PTBP2: variants seen among roughly 807,000 people sequenced by gnomAD.
PTBP2 encodes the protein polypyrimidine tract binding protein 2.
A neutral mutation model predicts 61.4 loss-of-function variants in PTBP2; 13 were observed. That is an observed-to-expected ratio of 0.21 (90% CI 0.14 to 0.34). The LOEUF is 0.34. Among genes scored for constraint, PTBP2 ranks in the 10% least tolerant of loss-of-function variants. The pLI is 1.00. For missense variants in PTBP2, 405 were observed against 642.6 expected (o/e 0.63, Z 4.00); for synonymous variants, 215 against 218.5 (o/e 0.98, Z 0.14).
intron 7 of PTBP2, among the ~76,000 whole-genome samples, chr1:96,778,502 C>T (rs1248870867): frequency 1.3e-5 from 2 of 151,920 alleles, no homozygotes; most frequent in Non-Finnish European, 2.9e-5. Context: ...TAAAATTTCC[C>T]ATCAAGGCTG....
chr1:96,812,889 T>G lies in PTBP2; in HGVS notation c.1349T>G (p.Ile450Ser). 6.2e-7 allele frequency: 1 copy of G among 1,613,806 alleles called. No homozygotes were observed. The highest frequency in any genetic ancestry group is 8.5e-7 in the Non-Finnish European group (1 of 1,179,746). Residue 450 changes from isoleucine to serine, a missense_variant, in exon 12 of 14, where the codon ATT becomes AGT. By Grantham distance (142) the Ile-to-Ser change is moderately radical. Coordinates refer to ENST00000674951, the MANE Select transcript of PTBP2 (RefSeq NM_021190.4). ...CCTGGATCCAAAAATTTTCAAAACA[T>G]TTTTCCTCCTTCTGCCACCCTTCAC... ...KKPGSKNFQN[I>S]FPPSATLHLS...
chr1:96,803,594 T>C (rs190241582), intron 8 of PTBP2, among the ~76,000 whole-genome samples: 1 of 151,952 alleles, frequency 6.6e-6, no homozygotes, highest in Admixed American at 6.6e-5. Flanking sequence ...TAGGTTAAGG[T>C]TTGTGAATAT....
chr1:96,780,403 T>A (rs190937648), intron 7 of PTBP2, among the ~76,000 whole-genome samples: 1 of 151,980 alleles, frequency 6.6e-6, no homozygotes, highest in Non-Finnish European at 1.5e-5. Flanking sequence ...AAATAGTCTA[T>A]CTTTGTTGTT....
chr1:96,770,925 A>G, intron 5 of PTBP2, 74 bp downstream of exon 5: 1 of 1,298,730 alleles, frequency 7.7e-7, no homozygotes. Flanking sequence ...ATAGGAAGGA[A>G]ATGTTTACCT....
chr1:96,774,882 T>G (rs1160957416), intron 5 of PTBP2, among the ~76,000 whole-genome samples: 1 of 152,190 alleles, frequency 6.6e-6, no homozygotes, highest in Non-Finnish European at 1.5e-5. Context: ...TTGCTTATGC[T>G]TCTGTCCCAA....
chr1:96,758,642 G>GA (rs1435404792), intron 3 of PTBP2, among the ~76,000 whole-genome samples: 4 of 152,084 alleles, frequency 2.6e-5, no homozygotes, highest in African/African-American at 9.7e-5. Context: ...ATTTCTCTCA[G>GA]AAAACTAGGA....
chr1:96,757,510 C>T (rs1655291375), intron 3 of PTBP2, among the ~76,000 whole-genome samples: 1 of 152,132 alleles, frequency 6.6e-6, no homozygotes, highest in South Asian at 2.1e-4. Context: ...TTTTTTAAAA[C>T]ATAATTTATG....
At chr1:96,818,350 C>G (rs1662558501), downstream of PTBP2, 1 of 152,082 alleles carries the variant, frequency 6.6e-6, no homozygotes, top group Non-Finnish European at 1.5e-5. Context: ...CTTAGATCTT[C>G]CTCGTTTCCT....
At chr1:96,733,538 G>A (rs1651735163) in intron 2 of PTBP2, among the ~76,000 whole-genome samples, 1 of 152,062 alleles carries the variant, frequency 6.6e-6, no homozygotes, top group Non-Finnish European at 1.5e-5. Flanking sequence ...AAATTAGATA[G>A]ATCTGGTGGC....
intron 2 of PTBP2, among the ~76,000 whole-genome samples, chr1:96,739,798 T>C (rs1196093743): frequency 6.6e-6 from 1 of 151,084 alleles, no homozygotes; most frequent in Non-Finnish European, 1.5e-5. Context: ...TATATATATA[T>C]ATATTTTTTA....
downstream of PTBP2, chr1:96,816,297 G>GC (rs1196409746): frequency 3.9e-5 from 6 of 152,094 alleles, no homozygotes; most frequent in African/African-American, 1.4e-4. Flanking sequence ...CCAGGCCTTG[G>GC]CATATAGTGA....
intron 8 of PTBP2, among the ~76,000 whole-genome samples, chr1:96,795,310 GAAAC>G (rs1423414475): frequency 1.3e-5 from 2 of 152,146 alleles, no homozygotes; most frequent in South Asian, 2.1e-4. Flanking sequence ...TGCAAAGTAA[GAAAC>G]AAATATGGGG....
In PTBP2 at chr1:96,777,679, C is replaced by T. The variant is rs1344179199; in HGVS notation, c.527C>T (p.Ala176Val). 6.2e-7 allele frequency: 1 copy of T among 1,613,026 alleles called. No individual in the cohort carries two copies. Among genetic ancestry groups the T allele is most frequent in the Non-Finnish European group, 8.5e-7 (1 of 1,179,292 alleles). The change falls in exon 6 of 14, where the codon GCC becomes GTC. Residue 176 changes from alanine to valine, a missense_variant. Coordinates refer to ENST00000674951, the MANE Select transcript of PTBP2 (RefSeq NM_021190.4). ...GTTAGCGAGAGTGCAGTGACTCCAGCCCAGAGTCCAGTACTTAGAATAATT... is the reference window on the plus strand; with the variant it reads ...GTTAGCGAGAGTGCAGTGACTCCAGTCCAGAGTCCAGTACTTAGAATAATT... The part of the protein sequence containing the change: ...TTVSESAVTP[A>V]QSPVLRIIID...
intron 3 of PTBP2, among the ~76,000 whole-genome samples, chr1:96,765,100 A>G (rs1015726866): frequency 2.0e-4 from 29 of 148,476 alleles, no homozygotes; most frequent in African/African-American, 7.2e-4. Flanking sequence ...AGCAGCATTC[A>G]TTTTTTTTTT....
chr1:96,798,076 T>TAAA (rs563043412), intron 8 of PTBP2, among the ~76,000 whole-genome samples: 19 of 110,324 alleles, frequency 1.7e-4, no homozygotes, highest in African/African-American at 6.2e-4. Context: ...ACTCTGTCTC[T>TAAA]AAAAAAAAAA....
intron 2 of PTBP2, among the ~76,000 whole-genome samples, chr1:96,743,363 T>G (rs1653311048): frequency 6.6e-6 from 1 of 152,174 alleles, no homozygotes; most frequent in Non-Finnish European, 1.5e-5. Flanking sequence ...TAAACAAGTT[T>G]ACCTGAAATA....
chr1:96,727,256 A>T (rs1273469170), intron 2 of PTBP2, among the ~76,000 whole-genome samples: 2 of 152,240 alleles, frequency 1.3e-5, no homozygotes, highest in East Asian at 3.8e-4. Context: ...GCTTAGTAAT[A>T]GTACACTTTA....
intron 2 of PTBP2, among the ~76,000 whole-genome samples, chr1:96,735,786 CTAAT>C: frequency 6.6e-6 from 1 of 152,234 alleles, no homozygotes; most frequent in East Asian, 1.9e-4. Flanking sequence ...TAACAAACAT[CTAAT>C]TAGCGTTCCA....
intron 7 of PTBP2, among the ~76,000 whole-genome samples, chr1:96,782,305 C>T (rs369599082): frequency 7.9e-5 from 12 of 151,990 alleles, no homozygotes; most frequent in South Asian, 2.1e-4. Flanking sequence ...TCATCACTAA[C>T]TGATAATAAA....
Sources: allele counts gnomAD v4.1 joint callset (sites outside exome capture counted in the v4.1 genomes callset), GRCh38; gene constraint gnomAD v4.1.1; transcripts MANE v1.5; gene names NCBI Gene and HGNC (gene_info 2026-07-23, HGNC 2026-07-21).